The following PRH1 variants were observed in gnomAD, a reference collection of about 807,000 sequenced individuals.
PRH1 encodes proline rich protein HaeIII subfamily 1.
Under a neutral mutation model 7.9 loss-of-function variants are expected in PRH1, and 7 were observed. The ratio of observed to expected loss-of-function variants is 0.89; its 90% confidence interval spans 0.50 to 1.67. The LOEUF is 1.67. PRH1 is among the 40% of genes most tolerant of loss of function. The pLI is 0.00. For synonymous variants in PRH1, 45 were observed against 80.8 expected (o/e 0.56, Z 2.38); for missense variants, 109 against 223.6 (o/e 0.49, Z 3.27).
chr12:11,068,063 G>A (rs1197786657), intron 1 of PRH1, among the ~76,000 whole-genome samples: 1 of 150,182 alleles, frequency 6.7e-6, no homozygotes, highest in Non-Finnish European at 1.5e-5. Flanking sequence ...ACTTACATAT[G>A]GAGCATAATA....
upstream of PRH1, chr12:11,047,207 T>C: frequency 3.0e-6 from 1 of 337,886 alleles, no homozygotes; most frequent in South Asian, 2.4e-5. Flanking sequence ...AGAAACAAAA[T>C]AAAAATAGAA....
chr12:11,155,026 TAG>T (rs1947211147), intron 1 of PRH1, among the ~76,000 whole-genome samples: 1 of 152,230 alleles, frequency 6.6e-6, no homozygotes, highest in South Asian at 2.1e-4. Flanking sequence ...TGCTTAATTG[TAG>T]AGTTTTAATA....
intron 2 of PRH1, among the ~76,000 whole-genome samples, chr12:10,900,600 T>C (rs1234916152): frequency 6.6e-6 from 1 of 152,094 alleles, no homozygotes; most frequent in Non-Finnish European, 1.5e-5. Flanking sequence ...CTACAGCCAG[T>C]TTATCCTATG....
At chr12:11,037,800 A>G (rs370810155) in intron 1 of PRH1, among the ~76,000 whole-genome samples, 2,038 of 151,952 alleles carry the variant, frequency 0.013, no homozygotes, top group South Asian at 0.028. Flanking sequence ...AGCATTTTGA[A>G]AGGCTGAGGG....
rs546834184 is a variant in PRH1, at chr12:11,028,352, C to T, written c.-126+18668G>A. Among the ~76,000 whole-genome samples the T allele has an allele frequency of 6.6e-4, 100 of 152,334 alleles. 1 individual carries two copies. Among genetic ancestry groups the T allele is most frequent in the Middle Eastern group, 3.4e-3 (1 of 294 alleles). On this transcript the variant is annotated intron_variant, in intron 1 of 3. Transcript: ENST00000539853. ...CCCTTGTAGCCCTTCTGGAAAAGTG[C>T]TGGAAGCCAAGTACATGCATCTGAT...
intron 1 of PRH1, chr12:11,133,991 T>G (rs767409468): frequency 1.6e-5 from 26 of 1,613,972 alleles, no homozygotes; most frequent in Non-Finnish European, 2.2e-5. Flanking sequence ...CCAGACATTA[T>G]AAGCAGTAAT....
At chr12:10,965,085 C>G in intron 2 of PRH1, 1 of 1,248,880 alleles carries the variant, frequency 8.0e-7, no homozygotes, top group Non-Finnish European at 1.1e-6. Context: ...TGGTTGGTTA[C>G]AGCCCAGGCA....
At chr12:11,065,794 G>A (rs1177148369) in intron 1 of PRH1, among the ~76,000 whole-genome samples, 1 of 152,164 alleles carries the variant, frequency 6.6e-6, no homozygotes, top group Admixed American at 6.6e-5. Flanking sequence ...GGTCACAGAA[G>A]AGATTAAAAT....
At chr12:10,996,921 A>G (rs764657757) in intron 1 of PRH1, 2 of 1,548,876 alleles carry the variant, frequency 1.3e-6, no homozygotes, top group Non-Finnish European at 1.7e-6. Context: ...TCTGCTAGAA[A>G]ACACACAATG....
At chr12:11,153,235 A>C (rs1214388054) in intron 1 of PRH1, among the ~76,000 whole-genome samples, 1 of 152,146 alleles carries the variant, frequency 6.6e-6, no homozygotes, top group East Asian at 1.9e-4. Flanking sequence ...AAAATTATGA[A>C]CTTAAGGCTT....
chr12:10,898,039 G>GT (rs1949673822), intron 2 of PRH1, among the ~76,000 whole-genome samples: 1 of 152,102 alleles, frequency 6.6e-6, no homozygotes. Context: ...TTCCATGTCT[G>GT]TTTTTCTCTT....
intron 1 of PRH1, among the ~76,000 whole-genome samples, chr12:11,020,916 G>C (rs2136069708): frequency 6.6e-6 from 1 of 152,262 alleles, no homozygotes; most frequent in African/African-American, 2.4e-5. Context: ...AATTCAAAAA[G>C]TGGAAGCAAT....
At chr12:10,970,755 C>T (rs1215120824) in intron 2 of PRH1, among the ~76,000 whole-genome samples, 1 of 151,864 alleles carries the variant, frequency 6.6e-6, no homozygotes, top group African/African-American at 2.4e-5. Flanking sequence ...CTAGTAGATA[C>T]GGGCTTTCAC....
intron 2 of PRH1, among the ~76,000 whole-genome samples, chr12:10,923,640 G>A (rs1950083181): frequency 6.6e-6 from 1 of 152,106 alleles, no homozygotes; most frequent in South Asian, 2.1e-4. Context: ...ATTGTCCAAG[G>A]GAATAGTGTG....
chr12:10,897,771 A>AAGGGCATTTAAAAATAG (rs1949669239), intron 2 of PRH1, among the ~76,000 whole-genome samples: 1 of 152,076 alleles, frequency 6.6e-6, no homozygotes, highest in Admixed American at 6.5e-5. Context: ...CTCACTCACT[A>AAGGGCATTTAAAAATAG]TTGCCACACC....
At chr12:11,051,199 T>C (rs939819976), upstream of PRH1, among the ~76,000 whole-genome samples, 1 of 152,228 alleles carries the variant, frequency 6.6e-6, no homozygotes, top group Admixed American at 6.5e-5. Flanking sequence ...ATGGAAAATG[T>C]CAATGTTTTG....
intron 1 of PRH1, among the ~76,000 whole-genome samples, chr12:11,132,222 T>C (rs1160172529): frequency 5.1e-5 from 2 of 39,138 alleles, no homozygotes; most frequent in Non-Finnish European, 8.8e-5. Context: ...ACAACAAAAT[T>C]ACACTAGGAC....
chr12:10,939,322 A>T, intron 2 of PRH1: 1 of 626,150 alleles, frequency 1.6e-6, no homozygotes, highest in Non-Finnish European at 2.6e-6. Context: ...ATTCCCTTTA[A>T]AAAGGGAATG....
chr12:11,109,549 CA>C (rs1215890865), intron 1 of PRH1, among the ~76,000 whole-genome samples: 1 of 152,152 alleles, frequency 6.6e-6, no homozygotes, highest in Non-Finnish European at 1.5e-5. Flanking sequence ...GGACCTCCAG[CA>C]AACTACAGCA....
Sources: allele counts gnomAD v4.1 joint callset (sites outside exome capture counted in the v4.1 genomes callset), GRCh38; gene constraint gnomAD v4.1.1; transcripts MANE v1.5; gene names NCBI Gene and HGNC (gene_info 2026-07-23, HGNC 2026-07-21).